Variants in RASAL2 observed in about 807,000 individuals in gnomAD.
RASAL2 encodes RAS protein activator like 2.
A neutral mutation model predicts 128.9 loss-of-function variants in RASAL2; 58 were observed. The observed-to-expected ratio is 0.45, with a 90% CI of 0.36 to 0.56. The LOEUF is 0.56. Among genes scored for constraint, RASAL2 ranks in the 20% least tolerant of loss-of-function variants. RASAL2 has a pLI of 0.00. For synonymous variants in RASAL2, 561 were observed against 580.8 expected, an observed-to-expected ratio of 0.97 and a Z score of 0.49; for missense variants, 1,360 against 1,601.6, an observed-to-expected ratio of 0.85 and a Z score of 2.57.
intron 3 of RASAL2, among the ~76,000 whole-genome samples, chr1:178,379,042 G>A (rs751618243): frequency 4.0e-5 from 6 of 151,718 alleles, no homozygotes; most frequent in Admixed American, 6.6e-5. Context: ...TATAAACAAT[G>A]TTGACATGAA....
intron 1 of RASAL2, among the ~76,000 whole-genome samples, chr1:178,198,493 T>G (rs1276186186): frequency 6.6e-6 from 1 of 152,130 alleles, no homozygotes; most frequent in East Asian, 1.9e-4. Context: ...TGGATGTCCT[T>G]TTTGTTGATG....
intron 1 of RASAL2, among the ~76,000 whole-genome samples, chr1:178,117,200 G>A (rs1343947379): frequency 6.6e-6 from 1 of 152,046 alleles, no homozygotes; most frequent in East Asian, 1.9e-4. Context: ...TTAACTGGAA[G>A]CATTTGAGTA....
intron 2 of RASAL2, among the ~76,000 whole-genome samples, chr1:178,287,206 C>T (rs992304525): frequency 6.6e-6 from 1 of 151,482 alleles, no homozygotes; most frequent in African/African-American, 2.4e-5. Flanking sequence ...AGTATCTATG[C>T]AGCTTAATGT....
chr1:178,445,598 T>C lies in RASAL2; in HGVS notation c.1563T>C (p.Ile521=), dbSNP rs1676942590. The C allele has an allele frequency of 6.2e-7, 1 of 1,613,956 alleles. No homozygotes were observed. Among genetic ancestry groups the C allele is most frequent in the Non-Finnish European group, 8.5e-7 (1 of 1,179,846 alleles). Residue 521 remains isoleucine, a synonymous_variant, in exon 9 of 18, where the codon ATT becomes ATC. Coordinates refer to ENST00000367649, the MANE Select transcript of RASAL2 (RefSeq NM_170692.4). ...TCTTGATCTTCAGAGAGAACACTAT[T>C]GCCACCAAATCCATTGAGGAATACC... ...HDVLIFRENT[I]ATKSIEEYLK...
chr1:178,121,951 T>G (rs1659733422), intron 1 of RASAL2, among the ~76,000 whole-genome samples: 1 of 152,234 alleles, frequency 6.6e-6, no homozygotes, highest in South Asian at 2.1e-4. Flanking sequence ...TTTTTGGCTT[T>G]AGTCTTCCTG....
rs75119061 is a variant in RASAL2 at position 178,161,589 on chromosome 1, T to A, written c.202+66895T>A. Among the ~76,000 whole-genome samples the A allele has an allele frequency of 1.8e-4, 28 of 152,322 alleles. No homozygotes were observed. In the East Asian group the frequency reaches 5.0e-3, roughly 27 times the overall value. On this transcript the variant is annotated intron_variant, in intron 1 of 17. Coordinates refer to ENST00000367649, the MANE Select transcript of RASAL2 (RefSeq NM_170692.4). ...ACTGATATGAACATTTGTGAACACG[T>A]TTGTTGTTGACACATTTTTAGTTTT...
chr1:178,340,858 A>G (rs1288245679), intron 3 of RASAL2, among the ~76,000 whole-genome samples: 1 of 152,210 alleles, frequency 6.6e-6, no homozygotes, highest in African/African-American at 2.4e-5. Flanking sequence ...CATACAATAC[A>G]GGGCATTTCT....
At chr1:178,330,109 C>T (rs889234023) in intron 3 of RASAL2, among the ~76,000 whole-genome samples, 21 of 152,148 alleles carry the variant, frequency 1.4e-4, no homozygotes, top group Non-Finnish European at 2.5e-4. Flanking sequence ...TTATTGAATG[C>T]TCAAGTTAAG....
chr1:178,429,459 AC>A (rs1675743886), intron 5 of RASAL2, among the ~76,000 whole-genome samples: 1 of 152,064 alleles, frequency 6.6e-6, no homozygotes, highest in African/African-American at 2.4e-5. Flanking sequence ...TTCTCTGACC[AC>A]TTTTTATAGT....
At chr1:178,107,580 A>G (rs1391467827) in intron 1 of RASAL2, among the ~76,000 whole-genome samples, 2 of 152,072 alleles carry the variant, frequency 1.3e-5, no homozygotes, top group Admixed American at 6.6e-5. Context: ...CTATACCCCA[A>G]ATGTTTTCAT....
intron 1 of RASAL2, among the ~76,000 whole-genome samples, chr1:178,244,483 C>T (rs1664675830): frequency 2.0e-5 from 3 of 152,136 alleles, no homozygotes; most frequent in African/African-American, 7.2e-5. Context: ...CCTTGTAATC[C>T]ACCCGCCTCG....
intron 3 of RASAL2, among the ~76,000 whole-genome samples, chr1:178,366,622 A>G (rs889208511): frequency 7.3e-6 from 1 of 137,712 alleles, no homozygotes; most frequent in African/African-American, 2.7e-5. Context: ...TATAGAAAAC[A>G]TCTTATTTGG....
chr1:178,334,562 C>T (rs904784308), intron 3 of RASAL2, among the ~76,000 whole-genome samples: 1 of 152,068 alleles, frequency 6.6e-6, no homozygotes, highest in Non-Finnish European at 1.5e-5. Flanking sequence ...AGGCTGGTCT[C>T]GAACTCCTGA....
chr1:178,191,182 A>G (rs549693019), intron 1 of RASAL2, among the ~76,000 whole-genome samples: 8 of 152,290 alleles, frequency 5.3e-5, no homozygotes, highest in African/African-American at 1.9e-4. Flanking sequence ...CTCTTAGCAT[A>G]CACTCTAGAA....
chr1:178,154,874 A>G lies in RASAL2; in HGVS notation c.202+60180A>G, dbSNP rs536644956. ...GTTTCACTCTTGTTGCCCAGGCTGG[A>G]GTGCAAGGGTGCCATCTCAGCTCAC... On this transcript the variant is annotated intron_variant, in intron 1 of 17. Coordinates refer to ENST00000367649, the MANE Select transcript of RASAL2 (RefSeq NM_170692.4). Among the ~76,000 whole-genome samples the G allele has an allele frequency of 3.1e-3, 472 of 152,264 alleles. 2 individuals are homozygous for G. The highest frequency in any genetic ancestry group is 4.9e-3 in the Non-Finnish European group (330 of 68,014).
rs368134482 is a variant in RASAL2, at chr1:178,312,922, A to G, written c.457+12804A>G. The stretch of plus-strand genomic sequence containing the variant: ...GCACTTTACATATATGAATTTTTTA[A>G]TCCTTGTAAACCCAAGAGGTAGATA... On this transcript the variant is annotated intron_variant, in intron 3 of 17. Transcript: ENST00000367649. Among the ~76,000 whole-genome samples, 12 of 152,322 alleles carry G rather than the reference A, an allele frequency of 7.9e-5. No homozygotes were observed. The East Asian group carries it at 2.3e-3, about 29-fold the overall frequency.
At chr1:178,107,542 C>G (rs536931722) in intron 1 of RASAL2, among the ~76,000 whole-genome samples, 1 of 152,236 alleles carries the variant, frequency 6.6e-6, no homozygotes, top group Non-Finnish European at 1.5e-5. Context: ...TAAATACATT[C>G]ATAATGTTGT....
chr1:178,286,140 A>AC (rs1017021735), intron 2 of RASAL2, among the ~76,000 whole-genome samples: 8 of 151,646 alleles, frequency 5.3e-5, no homozygotes, highest in African/African-American at 1.9e-4. Context: ...ACCTCTTGAA[A>AC]CCCTTTCACT....
chr1:178,131,566 C>T (rs538228515), intron 1 of RASAL2, among the ~76,000 whole-genome samples: 2 of 151,892 alleles, frequency 1.3e-5, no homozygotes, highest in Non-Finnish European at 2.9e-5. Context: ...AAGTATACAC[C>T]AGACCTAATT....
Sources: gnomAD v4.1 joint callset for allele counts (sites outside exome capture counted in the v4.1 genomes callset) on GRCh38, gnomAD v4.1.1 for gene constraint, MANE v1.5 for transcripts, NCBI Gene and HGNC (gene_info 2026-07-23, HGNC 2026-07-21) for gene names.